The following MTAP variants were observed in gnomAD, a reference collection of about 807,000 sequenced individuals.
The protein encoded by MTAP is S-methyl-5'-thioadenosine phosphorylase.
In MTAP, 33 loss-of-function variants were observed where a neutral mutation model predicts 33.6. The observed-to-expected ratio is 0.98, with a 90% CI of 0.74 to 1.31. MTAP has a LOEUF of 1.31. Among genes scored for constraint, MTAP ranks in the 40% most tolerant of loss-of-function variants. MTAP has a pLI of 0.00. For missense variants in MTAP, 367 were observed against 360.0 expected (o/e 1.02, Z -0.16); for synonymous variants, 148 against 125.7 (o/e 1.18, Z -1.19).
intron 1 of MTAP, among the ~76,000 whole-genome samples, chr9:21,882,295 C>A (rs1326933209): frequency 6.6e-6 from 1 of 151,778 alleles, no homozygotes; most frequent in Admixed American, 6.6e-5. Context: ...TGCATGCTAC[C>A]CCTGTTGCTA....
intron 1 of MTAP, among the ~76,000 whole-genome samples, chr9:21,875,998 A>G (rs1477115693): frequency 6.6e-6 from 1 of 152,116 alleles, no homozygotes; most frequent in Non-Finnish European, 1.5e-5. Flanking sequence ...CACCAGTATC[A>G]GTGTTCCCTT....
At chr9:21,893,592 T>C (rs1187037615) in intron 1 of MTAP, 1 of 151,632 alleles carries the variant, frequency 6.6e-6, no homozygotes, top group Non-Finnish European at 1.5e-5. Context: ...CACAGAAATA[T>C]AAAAAACCCT....
intron 1 of MTAP, among the ~76,000 whole-genome samples, chr9:21,891,065 T>A (rs963796883): frequency 6.6e-6 from 1 of 152,106 alleles, no homozygotes; most frequent in African/African-American, 2.4e-5. Flanking sequence ...TGTTCTAGCA[T>A]AATTGAAAGA....
intron 1 of MTAP, among the ~76,000 whole-genome samples, chr9:21,926,504 T>G (rs1818871552): frequency 2.0e-5 from 3 of 152,190 alleles, no homozygotes. Context: ...CAAAGATGCT[T>G]TCTTTTGTGT....
chr9:21,866,393 T>C lies in MTAP; in HGVS notation c.*4379T>C, dbSNP rs1211875273. The stretch of plus-strand genomic sequence containing the variant: ...TTTTTCATTTTGACGAAGCCTAGTT[T>C]ATCAATTTTTTTTATGGTTGGTGCT... On this transcript the variant is annotated 3_prime_UTR_variant, in exon 8 of 8. Transcript: ENST00000644715. 1.3e-4 allele frequency: 20 copies of C among 152,178 alleles called. No individual in the cohort carries two copies. The highest frequency in any genetic ancestry group is 1.3e-3 in the Admixed American group (20 of 15,268). The allele number at this position is 152,178 out of a possible 1,614,324, so 9.4% of individuals were successfully genotyped here. A position where few individuals can be genotyped will look rare whatever the true frequency, so the allele number is the denominator to read the frequency against.
chr9:21,870,667 G>A (rs1456474627), downstream of MTAP, among the ~76,000 whole-genome samples: 1 of 151,522 alleles, frequency 6.6e-6, no homozygotes, highest in African/African-American at 2.4e-5. Flanking sequence ...AAAATGTTAT[G>A]GAGATGTAAC....
chr9:21,858,982 G>T (rs976767162), intron 6 of MTAP: 1 of 202,390 alleles, frequency 4.9e-6, no homozygotes, highest in Non-Finnish European at 9.8e-6. Context: ...GGCACATTTG[G>T]TGTCTAGTGA....
Position 21,818,072 on chromosome 9 carries a change from A to G in MTAP, c.217A>G (p.Asn73Asp), listed in dbSNP as rs1824529523. The G allele has an allele frequency of 6.2e-7, 1 of 1,613,600 alleles. No homozygotes were observed. The highest frequency in any genetic ancestry group is 2.2e-5 in the East Asian group (1 of 44,850). ...RQHTIMPSKV[N>D]YQANIWALKE... is the part of the protein sequence containing the mutation. Reference sequence around the variant, plus strand: ...GCACACCATCATGCCTTCAAAGGTCAACTACCAGGCGAACATCTGGGCTTT... The same window carrying G: ...GCACACCATCATGCCTTCAAAGGTCGACTACCAGGCGAACATCTGGGCTTT... The change falls in exon 4 of 8, where the codon AAC becomes GAC. Residue 73 changes from asparagine to aspartate, a missense_variant. Transcript: ENST00000644715.
intron 1 of MTAP, among the ~76,000 whole-genome samples, chr9:21,810,942 G>T (rs1034778188): frequency 1.1e-4 from 16 of 152,144 alleles, no homozygotes; most frequent in African/African-American, 3.6e-4. Context: ...ATACAGCTAG[G>T]CTTCCAGGAT....
chr9:21,838,715 T>G lies in MTAP; in HGVS notation c.450+705T>G, dbSNP rs374104630. Among the ~76,000 whole-genome samples the G allele has an allele frequency of 1.3e-4, 20 of 152,334 alleles. No homozygotes were observed. In the East Asian group the frequency reaches 2.5e-3, roughly 19 times the overall value. ...GGTATAAGGGGTGGAATCACAGTTT[T>G]AGTTCCCAAGCAACAAAAATGGCTA... is the stretch of plus-strand genomic sequence containing the variant. On this transcript the variant is annotated intron_variant, in intron 5 of 7. Transcript: ENST00000644715.
chr9:21,904,922 G>T (rs759453908), intron 1 of MTAP, among the ~76,000 whole-genome samples: 1 of 152,128 alleles, frequency 6.6e-6, no homozygotes, highest in Non-Finnish European at 1.5e-5. Flanking sequence ...CTTCTCACAG[G>T]GTATGTGACG....
chr9:21,853,292 T>C (rs1825559785), intron 5 of MTAP, among the ~76,000 whole-genome samples: 1 of 151,946 alleles, frequency 6.6e-6, no homozygotes, highest in Admixed American at 6.6e-5. Context: ...GTCTTAACTT[T>C]AGGGGGGAAA....
chr9:21,913,360 G>A (rs369876951), intron 1 of MTAP, among the ~76,000 whole-genome samples: 238 of 152,192 alleles, frequency 1.6e-3, no homozygotes, highest in African/African-American at 4.4e-3. Flanking sequence ...GAGGCATCAC[G>A]CTACCTGACT....
In MTAP at chr9:21,818,146, C is replaced by T; in HGVS notation, c.291C>T (p.Ser97=). 2 of 1,613,862 alleles carry T rather than the reference C, an allele frequency of 1.2e-6. No homozygotes were observed. Among genetic ancestry groups the T allele is most frequent in the Non-Finnish European group, 1.7e-6 (2 of 1,179,966 alleles). The part of the protein sequence containing the change: ...THVIVTTACG[S]LREEIQPGDI... ...TCATAGTGACCACAGCTTGTGGCTC[C>T]TTGAGGGAGGAGATTCAGCCCGGCG... Residue 97 remains serine, a synonymous_variant, in exon 4 of 8, where the codon TCC becomes TCT. Transcript: ENST00000644715.
Position 21,864,978 on chromosome 9 carries a change from C to A in MTAP, c.*2964C>A, listed in dbSNP as rs1173014761. On this transcript the variant is annotated 3_prime_UTR_variant, in exon 8 of 8. Transcript: ENST00000644715. Reference sequence around the variant, plus strand: ...CAACAAGCATTTAGCCAGCACTTATCCAGTGAAACAATTTGATAAGGTTTC... The same window carrying A: ...CAACAAGCATTTAGCCAGCACTTATACAGTGAAACAATTTGATAAGGTTTC... 1.0e-6 allele frequency: 1 copy of A among 985,300 alleles called. No homozygotes were observed. The highest frequency in any genetic ancestry group is 1.2e-6 in the Non-Finnish European group (1 of 829,940). 61.0% of individuals were successfully genotyped at this position (985,300 alleles called of 1,614,324 possible).
In MTAP at chr9:21,862,020, C is replaced by G; in HGVS notation, c.*6C>G. 1 of 1,612,288 alleles carries G rather than the reference C, an allele frequency of 6.2e-7. No individual in the cohort carries two copies. The highest frequency in any genetic ancestry group is 8.5e-7 in the Non-Finnish European group (1 of 1,178,846). On this transcript the variant is annotated 3_prime_UTR_variant, in exon 8 of 8. Coordinates refer to ENST00000644715, the MANE Select transcript of MTAP (RefSeq NM_002451.4). ...TTTTATTACCAAGACATTAAAGTAGCATGGCTGCCCAGGAGAAAAGAAGAC... is the reference window on the plus strand; with the variant it reads ...TTTTATTACCAAGACATTAAAGTAGGATGGCTGCCCAGGAGAAAAGAAGAC...
At chr9:21,914,983 A>G (rs893015188) in intron 1 of MTAP, among the ~76,000 whole-genome samples, 1 of 149,722 alleles carries the variant, frequency 6.7e-6, no homozygotes, top group Non-Finnish European at 1.5e-5. Flanking sequence ...TGTAGCACAT[A>G]TCAATACTTT....
chr9:21,915,368 G>C (rs1010300098), intron 1 of MTAP, among the ~76,000 whole-genome samples: 1 of 152,038 alleles, frequency 6.6e-6, no homozygotes, highest in African/African-American at 2.4e-5. Context: ...TGGGATTACA[G>C]GTGTCAGCCA....
chr9:21,904,354 C>T (rs951207440), intron 1 of MTAP, among the ~76,000 whole-genome samples: 1 of 152,200 alleles, frequency 6.6e-6, no homozygotes, highest in East Asian at 1.9e-4. Context: ...TGCCTGTCCT[C>T]GCCCAGGTCA....
Sources: gnomAD v4.1 joint callset for allele counts (sites outside exome capture counted in the v4.1 genomes callset) on GRCh38, gnomAD v4.1.1 for gene constraint, MANE v1.5 for transcripts, NCBI Gene and HGNC (gene_info 2026-07-23, HGNC 2026-07-21) for gene names.